The following ZNF385C variants were observed in gnomAD, a reference collection of about 807,000 sequenced individuals.
ZNF385C encodes zinc finger protein 385C, also known as CTD-2132N18.2.
A neutral mutation model predicts 35.4 loss-of-function variants in ZNF385C; 28 were observed. That is an observed-to-expected ratio of 0.79 (90% CI 0.59 to 1.08). ZNF385C has a LOEUF of 1.08. Ranked by LOEUF, ZNF385C falls within the 50% of genes least tolerant of loss-of-function variation. The pLI is 0.00. For missense variants in ZNF385C, 605 were observed against 595.6 expected (o/e 1.02, Z -0.16); for synonymous variants, 248 against 248.2 (o/e 1.00, Z 0.01).
At chr17:42,082,292 C>T (rs1005559187) in intron 1 of ZNF385C, among the ~76,000 whole-genome samples, 2 of 152,238 alleles carry the variant, frequency 1.3e-5, no homozygotes, top group Non-Finnish European at 2.9e-5. Flanking sequence ...CTCGCCTCAG[C>T]CTTCCAAAGT....
At chr17:42,043,466 G>T in intron 2 of ZNF385C, 1 of 1,146,660 alleles carries the variant, frequency 8.7e-7, no homozygotes, top group Non-Finnish European at 1.1e-6. Flanking sequence ...CCTTGACAAG[G>T]AGAGTTGATG....
intron 2 of ZNF385C, chr17:42,039,744 A>G (rs1235395705): frequency 8.1e-7 from 1 of 1,232,160 alleles, no homozygotes; most frequent in East Asian, 3.2e-5. Context: ...CTCCCCACCC[A>G]CTCTCTAAGA....
intron 4 of ZNF385C, among the ~76,000 whole-genome samples, chr17:42,033,310 G>A (rs536737968): frequency 6.6e-6 from 1 of 152,238 alleles, no homozygotes; most frequent in South Asian, 2.1e-4. Flanking sequence ...GTAGAAAGGG[G>A]TAGGCTGTAG....
At chr17:42,078,286 C>T (rs1254921133) in intron 1 of ZNF385C, among the ~76,000 whole-genome samples, 11 of 152,028 alleles carry the variant, frequency 7.2e-5, no homozygotes, top group Admixed American at 5.2e-4. Flanking sequence ...ACTAACCAGT[C>T]GCACTTTTTA....
chr17:42,037,661 T>C, intron 3 of ZNF385C, 76 bp downstream of exon 3: 1 of 1,440,072 alleles, frequency 6.9e-7, no homozygotes, highest in Non-Finnish European at 9.2e-7. Flanking sequence ...TGCTGAGAGC[T>C]GGACCCTCTG....
Position 42,027,019 on chromosome 17 carries a change from G to A in ZNF385C, c.1390C>T (p.Arg464Cys), listed in dbSNP as rs782566658. 16 of 1,608,002 alleles carry A rather than the reference G, an allele frequency of 1.0e-5. No individual in the cohort carries two copies. The highest frequency in any genetic ancestry group is 6.7e-5 in the East Asian group (3 of 44,866). The stretch of plus-strand genomic sequence containing the variant: ...GTAGTGGCTGCTGTAGGGGCAGGGC[G>A]GAGGGCCAGGGGCCCTGGCAGAGCA... ...ICALPGPLALRPAPTAATTLF... is the reference protein window; with the variant it reads ...ICALPGPLALCPAPTAATTLF... The change falls in exon 9 of 9, where the codon CGC (arginine) becomes TGC (cysteine). Residue 464 changes from arginine to cysteine, a missense_variant. Coordinates refer to ENST00000692273, the MANE Select transcript of ZNF385C (RefSeq NM_001392013.1).
At chr17:42,030,490 AAAAC>A (rs1285176868) in intron 5 of ZNF385C, among the ~76,000 whole-genome samples, 2 of 152,164 alleles carry the variant, frequency 1.3e-5, no homozygotes, top group African/African-American at 2.4e-5. Flanking sequence ...TCTGTCTCAA[AAAAC>A]AAACAAACAA....
intron 2 of ZNF385C, among the ~76,000 whole-genome samples, chr17:42,044,198 C>T (rs1406209420): frequency 1.4e-5 from 2 of 145,964 alleles, no homozygotes; most frequent in Non-Finnish European, 3.0e-5. Context: ...CTAGTCCCAG[C>T]TACTGGGGAG....
chr17:42,052,408 T>C (rs2053299703), intron 2 of ZNF385C, among the ~76,000 whole-genome samples: 1 of 151,926 alleles, frequency 6.6e-6, no homozygotes, highest in African/African-American at 2.4e-5. Context: ...GTGGCAGGTT[T>C]AGACATCAAG....
chr17:42,025,921 C>T lies in ZNF385C; in HGVS notation c.*976G>A, dbSNP rs1420248090. On this transcript the variant is annotated 3_prime_UTR_variant, in exon 9 of 9. Transcript: ENST00000692273. ...GCTAGGACCAGTTTGGAGTGGGAAG[C>T]TGTAGGGGAAAGCTCTTCCTTTGGG... 6.6e-6 allele frequency: 1 copy of T among 152,142 alleles called. No individual in the cohort carries two copies. The highest frequency in any genetic ancestry group is 1.5e-5 in the Non-Finnish European group (1 of 68,082). 9.4% of individuals were successfully genotyped at this position (152,142 alleles called of 1,614,324 possible). A position where few individuals can be genotyped will look rare whatever the true frequency, so the allele number is the denominator to read the frequency against.
At chr17:42,027,572 C>CCCCCCCCCCCCCCCCCCCA in intron 8 of ZNF385C, 46 bp downstream of exon 8, 1 of 1,048,364 alleles carries the variant, frequency 9.5e-7, no homozygotes, top group Non-Finnish European at 1.4e-6. Context: ...AGCCCACCCT[C>CCCCCCCCCCCCCCCCCCCA]TCCCCTCCTG....
In ZNF385C at chr17:42,079,205, TATATATATATATAC is replaced by T. The variant is rs1567995827; in HGVS notation, c.-2-16161_-2-16148del. ...TGTCTCGCAAAAAAAAAAAAAAAAA[TATATATATATATAC>T]ATATATATATATATACACACATATA... is the stretch of plus-strand genomic sequence containing the variant. On this transcript the variant is annotated intron_variant, in intron 1 of 8. Transcript: ENST00000692273. Among the ~76,000 whole-genome samples the T allele has an allele frequency of 2.9e-3, 306 of 104,766 alleles. 1 individual carries two copies. The highest frequency in any genetic ancestry group is 0.012 in the African/African-American group (273 of 23,188). The allele number at this position is 104,766 out of a possible 152,430, so 68.7% of individuals were successfully genotyped here. A position where few individuals can be genotyped will look rare whatever the true frequency, so the allele number is the denominator to read the frequency against.
Position 42,040,877 on chromosome 17 carries a change from G to C in ZNF385C, c.251-2992C>G, listed in dbSNP as rs571169356. The C allele has an allele frequency of 7.3e-6, 9 of 1,232,316 alleles. No individual in the cohort carries two copies. The East Asian group carries it at 2.8e-4, about 39-fold the overall frequency. 76.3% of individuals were successfully genotyped at this position (1,232,316 alleles called of 1,614,324 possible). On this transcript the variant is annotated intron_variant, in intron 2 of 8. Transcript: ENST00000692273. ...TCTGCCAGCAGTGGGCAAGTGGCCC[G>C]GAGCTGTGGGCCCACACTCCCCAGG... is the stretch of plus-strand genomic sequence containing the variant.
intron 2 of ZNF385C, among the ~76,000 whole-genome samples, chr17:42,053,885 AC>A (rs2053328802): frequency 6.6e-6 from 1 of 151,992 alleles, no homozygotes; most frequent in African/African-American, 2.4e-5. Flanking sequence ...GGAGTGCAGA[AC>A]GAGGAGCAAA....
At chr17:42,052,995 C>T (rs1598192907) in intron 2 of ZNF385C, among the ~76,000 whole-genome samples, 1 of 152,154 alleles carries the variant, frequency 6.6e-6, no homozygotes, top group Non-Finnish European at 1.5e-5. Flanking sequence ...TATGGGAGTC[C>T]AGGGGAGAGA....
chr17:42,044,565 G>A (rs1306980491), intron 2 of ZNF385C, among the ~76,000 whole-genome samples: 8 of 151,292 alleles, frequency 5.3e-5, no homozygotes, highest in African/African-American at 1.9e-4. Context: ...GCAGTGAGCC[G>A]AGATCACGCT....
chr17:42,089,638 G>A (rs1424025056), intron 1 of ZNF385C, among the ~76,000 whole-genome samples: 2 of 152,116 alleles, frequency 1.3e-5, no homozygotes, highest in African/African-American at 2.4e-5. Context: ...TCTTGACCAC[G>A]AATCTTTTTT....
At chr17:42,051,857 G>A (rs550602475) in intron 2 of ZNF385C, among the ~76,000 whole-genome samples, 66 of 152,284 alleles carry the variant, frequency 4.3e-4, no homozygotes, top group Non-Finnish European at 7.6e-4. Flanking sequence ...CCCACCGTCT[G>A]CCTCTGACAT....
intron 1 of ZNF385C, among the ~76,000 whole-genome samples, chr17:42,090,238 C>T (rs1555660404): frequency 6.8e-6 from 1 of 147,324 alleles, no homozygotes. Context: ...ATTGCTCTCT[C>T]TAGGGTAGTT....
Sources: gnomAD v4.1 joint callset for allele counts (sites outside exome capture counted in the v4.1 genomes callset) on GRCh38, gnomAD v4.1.1 for gene constraint, MANE v1.5 for transcripts, NCBI Gene and HGNC (gene_info 2026-07-23, HGNC 2026-07-21) for gene names.